Variants in CAPN14 observed in about 807,000 individuals in gnomAD.
CAPN14 encodes calpain-14.
CAPN14 carries 94 observed loss-of-function variants against 101.3 expected under a neutral mutation model. The observed-to-expected ratio is 0.93, with a 90% confidence interval of 0.79 to 1.10. CAPN14 has a LOEUF of 1.10. Ranked by LOEUF, CAPN14 falls within the 50% of genes least tolerant of loss-of-function variation. The probability of loss-of-function intolerance (pLI) is 0.00; values close to 1 mark genes in which losing one functional copy is unlikely to be tolerated. For synonymous variants in CAPN14, 338 were observed against 317.9 expected (o/e 1.06, Z -0.67); for missense variants, 837 against 828.4 (o/e 1.01, Z -0.13).
At chr2:31,191,257 CG>C in intron 12 of CAPN14, 141 bp downstream of exon 12, 7 of 802,262 alleles carry the variant, frequency 8.7e-6, no homozygotes, top group Non-Finnish European at 1.4e-5. Context: ...ACACAGGCAG[CG>C]GGCAGACATT....
At chr2:31,207,221 C>T (rs1342047542) in intron 1 of CAPN14, among the ~76,000 whole-genome samples, 1 of 152,132 alleles carries the variant, frequency 6.6e-6, no homozygotes, top group Non-Finnish European at 1.5e-5. Flanking sequence ...AGGTCCTGCC[C>T]ATCCCCCAAA....
At chr2:31,219,191 C>T (rs999759735), upstream of CAPN14, among the ~76,000 whole-genome samples, 12 of 149,712 alleles carry the variant, frequency 8.0e-5, no homozygotes, top group African/African-American at 2.5e-4. Flanking sequence ...GCTGCGGATT[C>T]ACAGAGCCAC....
chr2:31,226,051 G>A (rs575178529), intron 2 of CAPN14, among the ~76,000 whole-genome samples: 85 of 152,170 alleles, frequency 5.6e-4, no homozygotes, highest in African/African-American at 1.9e-3. Context: ...AATAACTCAT[G>A]GAAACAAAAT....
At chr2:31,222,585 A>T (rs1303352489) in intron 2 of CAPN14, among the ~76,000 whole-genome samples, 1 of 152,232 alleles carries the variant, frequency 6.6e-6, no homozygotes, top group African/African-American at 2.4e-5. Context: ...ATGAATATAA[A>T]ACATTTAGTC....
At position 31,200,647 on chromosome 2, in the gene CAPN14, A is replaced by G. The variant is rs148618724; in HGVS notation, c.552-22T>C. ...GAGCCTGGCCAGGGAAGAAATAAAC[A>G]TGAGAGGAAAAAAGTATCATGAGTA... On this transcript the variant is annotated intron_variant, in intron 5 of 21. Transcript: ENST00000403897. The G allele has an allele frequency of 4.8e-3, 7,351 of 1,524,342 alleles. 90 individuals are homozygous for G. The highest frequency in any genetic ancestry group is 0.033 in the South Asian group (2,609 of 79,782). The allele number at this position is 1,524,342 out of a possible 1,614,324, so 94.4% of individuals were successfully genotyped here.
rs1315019758 is a variant in CAPN14, at chr2:31,192,014, A to G, written c.1199T>C (p.Leu400Pro). 1 of 1,551,520 alleles carries G rather than the reference A, an allele frequency of 6.4e-7. No individual in the cohort carries two copies. Among genetic ancestry groups the G allele is most frequent in the African/African-American group, 1.4e-5 (1 of 73,058 alleles). Reference sequence around the variant, plus strand: ...CCTGGGCTTCTGGAGCAGGGACACCAGCACGCTGCAGGGCCTCAGGGATCT... The same window carrying G: ...CCTGGGCTTCTGGAGCAGGGACACCGGCACGCTGCAGGGCCTCAGGGATCT... ...GRRSLRPCSVLVSLLQKPRHR... is the reference protein window; with the variant it reads ...GRRSLRPCSVPVSLLQKPRHR... Residue 400 changes from leucine (L) to proline (P), a missense_variant, in exon 11 of 22, where the codon CTG (leucine) becomes CCG (proline). Coordinates refer to ENST00000403897, the MANE Select transcript of CAPN14 (RefSeq NM_001145122.2).
chr2:31,193,869 C>T (rs941341696), intron 9 of CAPN14, among the ~76,000 whole-genome samples: 1 of 152,008 alleles, frequency 6.6e-6, no homozygotes, highest in East Asian at 1.9e-4. Context: ...GTCCTTGGAA[C>T]GAGGGTTGAC....
At chr2:31,175,538 C>T (rs1680247065) in intron 21 of CAPN14, among the ~76,000 whole-genome samples, 2 of 152,220 alleles carry the variant, frequency 1.3e-5, no homozygotes, top group Non-Finnish European at 2.9e-5. Flanking sequence ...TTCTCCTAGA[C>T]CTGAGCCAGC....
chr2:31,210,983 T>A (rs987067580), intron 1 of CAPN14, among the ~76,000 whole-genome samples: 1 of 152,180 alleles, frequency 6.6e-6, no homozygotes, highest in African/African-American at 2.4e-5. Flanking sequence ...TTTGAGCACA[T>A]CCGAATTATT....
chr2:31,197,208 C>A, intron 8 of CAPN14, 41 bp downstream of exon 8: 1 of 1,399,694 alleles, frequency 7.1e-7, no homozygotes, highest in South Asian at 1.2e-5. Context: ...CTTTGCCTAA[C>A]CTACCTGTTC....
chr2:31,211,260 G>GGGAA (rs1271545761), intron 1 of CAPN14, among the ~76,000 whole-genome samples: 1 of 150,502 alleles, frequency 6.6e-6, no homozygotes, highest in East Asian at 2.0e-4. Context: ...GAGGGAGGGA[G>GGGAA]GAAGGAAGGG....
At chr2:31,185,154 C>T (rs1410951359) in intron 16 of CAPN14, among the ~76,000 whole-genome samples, 1 of 152,210 alleles carries the variant, frequency 6.6e-6, no homozygotes, top group Non-Finnish European at 1.5e-5. Flanking sequence ...TATTCCATGT[C>T]TTCTTCCAAG....
chr2:31,225,994 T>G (rs1162755707), intron 2 of CAPN14, among the ~76,000 whole-genome samples: 1 of 152,164 alleles, frequency 6.6e-6, no homozygotes, highest in Non-Finnish European at 1.5e-5. Context: ...ATATTAAAAT[T>G]TATCAAAAGT....
intron 2 of CAPN14, among the ~76,000 whole-genome samples, chr2:31,224,404 T>A (rs1179335256): frequency 6.6e-6 from 1 of 150,980 alleles, no homozygotes; most frequent in African/African-American, 2.4e-5. Flanking sequence ...AAGGAAAAAA[T>A]AAGTGTTCAA....
intron 1 of CAPN14, among the ~76,000 whole-genome samples, chr2:31,208,395 A>G (rs1682216009): frequency 6.6e-6 from 1 of 152,202 alleles, no homozygotes; most frequent in African/African-American, 2.4e-5. Context: ...CCTTGGCTTC[A>G]GAACCTCCCT....
Position 31,197,303 on chromosome 2 carries a change from A to G in CAPN14, c.821T>C (p.Val274Ala). ...CTTTCCCCAGGGGTTCCGTAGCTTG[A>G]CGAGATATTCAGGTCTATGTTTGCA... ...VTCKHRPEYL[V>A]KLRNPWGKVE... Residue 274 changes from valine (V) to alanine (A), a missense_variant, in exon 8 of 22, where the codon GTC becomes GCC. Coordinates refer to ENST00000403897, the MANE Select transcript of CAPN14 (RefSeq NM_001145122.2). 6.4e-7 allele frequency: 1 copy of G among 1,551,096 alleles called. No individual in the cohort carries two copies.
intron 1 of CAPN14, among the ~76,000 whole-genome samples, chr2:31,212,170 C>T (rs529037090): frequency 1.4e-4 from 22 of 152,072 alleles, no homozygotes; most frequent in Non-Finnish European, 2.5e-4. Context: ...ATTAGCTGGG[C>T]GCTGTGGTGG....
chr2:31,178,593 T>C lies in CAPN14; in HGVS notation c.1711-14A>G, dbSNP rs1251228182. On this transcript the variant is annotated splice_polypyrimidine_tract_variant and intron_variant, in intron 17 of 21. Coordinates refer to ENST00000403897, the MANE Select transcript of CAPN14 (RefSeq NM_001145122.2). ...TGATGCATTAAGCTGATTAATAGGT[T>C]AAGGTAAAAGCTTCCAGGGAGAGTT... 5 of 1,507,744 alleles carry C rather than the reference T, an allele frequency of 3.3e-6. No individual in the cohort carries two copies. The highest frequency in any genetic ancestry group is 4.4e-6 in the Non-Finnish European group (5 of 1,125,516). The allele number at this position is 1,507,744 out of a possible 1,614,324, so 93.4% of individuals were successfully genotyped here. A position where few individuals can be genotyped will look rare whatever the true frequency, so the allele number is the denominator to read the frequency against.
At chr2:31,181,093 TGATGACCACCATGTATGTACGTG>T (rs1281953822) in intron 16 of CAPN14, 93 bp from the exon 17 acceptor site, 6 of 944,386 alleles carry the variant, frequency 6.4e-6, no homozygotes, top group Non-Finnish European at 9.9e-6. Context: ...ATGGGCCAGC[TGATGACCACCATGTATGTACGTG>T]GGCTGGGAAG....
Sources: allele counts gnomAD v4.1 joint callset (sites outside exome capture counted in the v4.1 genomes callset), GRCh38; gene constraint gnomAD v4.1.1; transcripts MANE v1.5; gene names NCBI Gene and HGNC (gene_info 2026-07-23, HGNC 2026-07-21).